AFF2: variants seen among roughly 807,000 people sequenced by gnomAD.
AFF2 encodes the protein ALF transcription elongation factor 2.
In AFF2, 14 loss-of-function variants were observed where a neutral mutation model predicts 76.9. The observed-to-expected ratio is 0.18, with a 90% CI of 0.12 to 0.28. The LOEUF is 0.28. AFF2 is among the 10% of genes least tolerant of loss of function. AFF2 has a pLI of 1.00. For synonymous variants in AFF2, 398 were observed against 366.7 expected (o/e 1.09, Z -0.98); for missense variants, 868 against 1,001.1 (o/e 0.87, Z 1.79).
intron 10 of AFF2, among the ~76,000 whole-genome samples, chrX:148,954,234 G>A (rs1557286956): frequency 8.9e-6 from 1 of 112,346 alleles, no homozygotes; most frequent in Admixed American, 9.4e-5. Flanking sequence ...CATCCTTCAA[G>A]TGTGTTTGAT....
At chrX:148,501,274 C>A (rs2052345541) in intron 1 of AFF2, 130 bp downstream of exon 1, 1 of 840,996 alleles carries the variant, frequency 1.2e-6, no homozygotes, top group African/African-American at 2.0e-5. Flanking sequence ...TTGCTCTCAG[C>A]CACCTCTGGC....
chrX:148,902,554 C>T (rs1557281000), intron 8 of AFF2, among the ~76,000 whole-genome samples: 2 of 111,758 alleles, frequency 1.8e-5, no homozygotes. Flanking sequence ...TGGCAGTCCC[C>T]ACTTCTTGCC....
intron 1 of AFF2, among the ~76,000 whole-genome samples, chrX:148,570,211 C>A (rs1378587744): frequency 1.8e-5 from 2 of 111,738 alleles, no homozygotes; most frequent in Non-Finnish European, 3.8e-5. Context: ...TGGTTATAGA[C>A]CCTCAGTATG....
At chrX:148,810,056 G>T in intron 4 of AFF2, 136 bp downstream of exon 4, 1 of 556,953 alleles carries the variant, frequency 1.8e-6, no homozygotes, top group Non-Finnish European at 2.9e-6. Context: ...AGACCCTTCT[G>T]CTTATTCCAG....
At chrX:148,669,423 G>A (rs149434669) in intron 3 of AFF2, among the ~76,000 whole-genome samples, 1,565 of 111,648 alleles carry the variant, frequency 0.014, 30 homozygotes, top group African/African-American at 0.045. Flanking sequence ...TCATGCTGCC[G>A]ATAAAGACAT....
intron 3 of AFF2, among the ~76,000 whole-genome samples, chrX:148,700,419 AGTGTGTGTGTGTGTGTGT>A (rs368077947): frequency 7.3e-5 from 6 of 82,495 alleles, no homozygotes; most frequent in African/African-American, 1.8e-4. Flanking sequence ...GTACTGTTGA[AGTGTGTGTGTGTGTGTGT>A]GTGTGTGTGT....
At chrX:148,821,567 G>A (rs2070328344) in intron 4 of AFF2, among the ~76,000 whole-genome samples, 1 of 110,557 alleles carries the variant, frequency 9.0e-6, no homozygotes, top group South Asian at 3.9e-4. Flanking sequence ...CTCTGCCTCT[G>A]TGTGCTGCCC....
At chrX:148,830,245 G>A (rs1441316963) in intron 4 of AFF2, among the ~76,000 whole-genome samples, 1 of 112,295 alleles carries the variant, frequency 8.9e-6, no homozygotes, top group Admixed American at 9.4e-5. Context: ...AAGGGCCCCT[G>A]TCCTTCCGAA....
rs544208209 is a variant in AFF2, at chrX:148,522,178, G to A, written c.47+21034G>A. Among the ~76,000 whole-genome samples the A allele has an allele frequency of 1.9e-4, 21 of 112,276 alleles. No individual in the cohort carries two copies. The South Asian group carries it at 6.2e-3, about 33-fold the overall frequency. ...TTACTTGCTTGCCACCTGTCCTGAC[G>A]ACAAGAGGAAACATGGGTTGCACCT... On this transcript the variant is annotated intron_variant, in intron 1 of 20. Coordinates refer to ENST00000370460, the MANE Select transcript of AFF2 (RefSeq NM_002025.4).
chrX:148,955,088 C>G (rs1470345809), intron 10 of AFF2, among the ~76,000 whole-genome samples: 1 of 112,644 alleles, frequency 8.9e-6, no homozygotes, highest in South Asian at 3.7e-4. Flanking sequence ...ATACAAAAGG[C>G]CTGATTTGTT....
chrX:148,835,484 CTTT>C (rs11354092), intron 4 of AFF2, among the ~76,000 whole-genome samples: 5 of 58,946 alleles, frequency 8.5e-5, no homozygotes, highest in Admixed American at 2.1e-4. Flanking sequence ...ACGTCACATA[CTTT>C]TTTTTTTTTT....
At chrX:148,943,473 A>G (rs1557285826) in intron 9 of AFF2, among the ~76,000 whole-genome samples, 1 of 111,676 alleles carries the variant, frequency 9.0e-6, no homozygotes, top group Non-Finnish European at 1.9e-5. Context: ...GTGGGTTTTG[A>G]TTGTTCTCAT....
intron 3 of AFF2, among the ~76,000 whole-genome samples, chrX:148,802,272 T>G (rs982617401): frequency 8.9e-6 from 1 of 112,139 alleles, no homozygotes; most frequent in East Asian, 2.8e-4. Flanking sequence ...AAAGTGAAAG[T>G]GTTGTTATTC....
At chrX:148,949,392 C>T (rs1285430046) in intron 9 of AFF2, among the ~76,000 whole-genome samples, 2 of 111,180 alleles carry the variant, frequency 1.8e-5, no homozygotes, top group African/African-American at 6.6e-5. Flanking sequence ...AAACGCCTCC[C>T]CAGCTTCTCT....
At position 148,735,782 on chromosome X, in the gene AFF2, C is replaced by T. The variant is rs782798692; in HGVS notation, c.1041+73014C>T. 7.2e-5 allele frequency among the ~76,000 whole-genome samples: 8 copies of T among 111,011 alleles called. No homozygotes were observed. The South Asian group carries it at 2.3e-3, about 32-fold the overall frequency. ...CCCTCACCCCTCTCCCACTCTTCCCCGCAAGTCCCCAAAGTCCATTGTATC... is the reference window on the plus strand; with the variant it reads ...CCCTCACCCCTCTCCCACTCTTCCCTGCAAGTCCCCAAAGTCCATTGTATC... On this transcript the variant is annotated intron_variant, in intron 3 of 20. Coordinates refer to ENST00000370460, the MANE Select transcript of AFF2 (RefSeq NM_002025.4).
intron 1 of AFF2, among the ~76,000 whole-genome samples, chrX:148,549,848 C>T (rs1189680343): frequency 8.9e-6 from 1 of 112,154 alleles, no homozygotes; most frequent in Admixed American, 9.5e-5. Context: ...GAAAAGGAGG[C>T]TGCTACCTTT....
chrX:148,985,156 C>T (rs1371998914), intron 19 of AFF2, among the ~76,000 whole-genome samples: 8 of 108,155 alleles, frequency 7.4e-5, no homozygotes, highest in Admixed American at 2.0e-4. Context: ...AGCTAATTTT[C>T]GTATTTTTAG....
chrX:148,865,274 T>A (rs2070893161), intron 7 of AFF2, among the ~76,000 whole-genome samples: 1 of 112,540 alleles, frequency 8.9e-6, no homozygotes, highest in Non-Finnish European at 1.9e-5. Context: ...ATAAAATGGC[T>A]TTCCTAGTCT....
chrX:148,620,074 G>GT (rs1207689750), intron 1 of AFF2, among the ~76,000 whole-genome samples: 1 of 111,532 alleles, frequency 9.0e-6, no homozygotes, highest in Non-Finnish European at 1.9e-5. Context: ...TGCAGATGTA[G>GT]TCAGCATTGT....
Sources: allele counts gnomAD v4.1 joint callset (sites outside exome capture counted in the v4.1 genomes callset), GRCh38; gene constraint gnomAD v4.1.1; transcripts MANE v1.5; gene names NCBI Gene and HGNC (gene_info 2026-07-23, HGNC 2026-07-21).